Variants in ITGA9 observed in about 807,000 individuals in gnomAD.
The protein encoded by ITGA9 is integrin alpha-9.
Under a neutral mutation model 127.8 loss-of-function variants are expected in ITGA9, and 56 were observed. The ratio of observed to expected loss-of-function variants is 0.44; its 90% CI spans 0.35 to 0.55. The LOEUF (loss-of-function observed/expected upper bound fraction) is 0.55, where lower values mean the gene tolerates loss of function less well. ITGA9 is among the 20% of genes least tolerant of loss of function. ITGA9 has a pLI of 0.00. For missense variants in ITGA9, 1,196 were observed against 1,347.1 expected, an observed-to-expected ratio of 0.89 and a Z score of 1.76; for synonymous variants, 508 against 514.5, an observed-to-expected ratio of 0.99 and a Z score of 0.17.
chr3:37,632,550 G>A (rs1700238502), intron 16 of ITGA9, among the ~76,000 whole-genome samples: 1 of 152,164 alleles, frequency 6.6e-6, no homozygotes, highest in African/African-American at 2.4e-5. Flanking sequence ...TGTAATAATA[G>A]AATAGCATGT....
Position 37,452,390 on chromosome 3 carries a change from GCGC to G in ITGA9, c.19_21del (p.Pro7del). 6 of 1,332,700 alleles carry G rather than the reference GCGC, an allele frequency of 4.5e-6. No individual in the cohort carries two copies. The highest frequency in any genetic ancestry group is 5.8e-6 in the Non-Finnish European group (6 of 1,042,834). The allele number at this position is 1,332,700 out of a possible 1,614,324, so 82.6% of individuals were successfully genotyped here. On this transcript the variant is annotated inframe_deletion, in exon 1 of 28. Transcript: ENST00000264741. The surrounding 1 kb of genome is among the most constrained non-coding windows in gnomAD (Gnocchi z 7.3). ...CCGGCTGGGGATGGGCGGCCCGGCT[GCGC>G]CGAGGGGCGCCGGGAGGCTCCGCGC...
chr3:37,779,759 A>T, intron 24 of ITGA9, 143 bp from the exon 25 acceptor site: 1 of 802,530 alleles, frequency 1.2e-6, no homozygotes, highest in Non-Finnish European at 2.1e-6. Context: ...GTGGCGAGAA[A>T]GAACGATTGC....
intron 26 of ITGA9, among the ~76,000 whole-genome samples, chr3:37,791,885 G>A (rs1216710217): frequency 6.6e-6 from 1 of 152,166 alleles, no homozygotes; most frequent in African/African-American, 2.4e-5. Context: ...GCTTCTAGAG[G>A]CAAAGTTTAC....
intron 18 of ITGA9, among the ~76,000 whole-genome samples, chr3:37,707,319 C>G (rs1701017935): frequency 6.6e-6 from 1 of 152,138 alleles, no homozygotes; most frequent in African/African-American, 2.4e-5. Flanking sequence ...AAGTTCTTTT[C>G]TGTTTAAGTG....
intron 18 of ITGA9, among the ~76,000 whole-genome samples, chr3:37,696,295 T>C (rs772107087): frequency 6.6e-6 from 1 of 152,218 alleles, no homozygotes; most frequent in Non-Finnish European, 1.5e-5. Flanking sequence ...TGTGTATCCC[T>C]GAGATACGTA....
At chr3:37,618,784 G>A (rs149229694) in intron 15 of ITGA9, among the ~76,000 whole-genome samples, 67 of 152,322 alleles carry the variant, frequency 4.4e-4, no homozygotes, top group African/African-American at 1.3e-3. Flanking sequence ...TAATCTCCTC[G>A]TGTGCTGTTT....
chr3:37,580,695 T>C (rs1699701389), intron 15 of ITGA9, among the ~76,000 whole-genome samples: 1 of 152,226 alleles, frequency 6.6e-6, no homozygotes. Context: ...TTTTTTATCC[T>C]GGATGTGCTC....
intron 15 of ITGA9, among the ~76,000 whole-genome samples, chr3:37,625,362 A>G (rs1344481623): frequency 6.6e-6 from 1 of 152,208 alleles, no homozygotes; most frequent in African/African-American, 2.4e-5. Flanking sequence ...GCATAAAGTA[A>G]GCACCCAATA....
At chr3:37,746,250 G>A (rs1345547451) in intron 22 of ITGA9, among the ~76,000 whole-genome samples, 1 of 152,158 alleles carries the variant, frequency 6.6e-6, no homozygotes. Context: ...ATTTTTCTAT[G>A]CTTTTAAAAA....
chr3:37,473,138 A>G (rs1426646205), intron 2 of ITGA9, among the ~76,000 whole-genome samples: 1 of 31,682 alleles, frequency 3.2e-5, no homozygotes, highest in African/African-American at 1.2e-4. Context: ...GACTGTCTCA[A>G]AAAAAAAAAA....
chr3:37,495,531 C>T (rs1233425688), intron 5 of ITGA9, among the ~76,000 whole-genome samples: 1 of 152,186 alleles, frequency 6.6e-6, no homozygotes, highest in Non-Finnish European at 1.5e-5. Context: ...AATTCATCTG[C>T]AGTCCTGTTG....
Position 37,520,857 on chromosome 3 carries a change from G to A in ITGA9, c.1236+1503G>A, listed in dbSNP as rs182583905. On this transcript the variant is annotated intron_variant, in intron 11 of 27. Coordinates refer to ENST00000264741, the MANE Select transcript of ITGA9 (RefSeq NM_002207.3). The stretch of plus-strand genomic sequence containing the variant: ...CAGGGTCATTCTCCACGCATCCTCC[G>A]GGAAGCTTGTTTTCCTGGACCTCGG... Among the ~76,000 whole-genome samples the A allele has an allele frequency of 3.4e-3, 518 of 152,300 alleles. 5 individuals carry two copies. Among genetic ancestry groups the A allele is most frequent in the African/African-American group, 0.012 (495 of 41,574 alleles).
chr3:37,665,095 C>T (rs1700573715), intron 17 of ITGA9, among the ~76,000 whole-genome samples: 2 of 151,750 alleles, frequency 1.3e-5, no homozygotes, highest in South Asian at 2.1e-4. Context: ...GCCTCAGCCT[C>T]CCGAGTAGCT....
At chr3:37,755,835 A>G (rs972352076) in intron 23 of ITGA9, among the ~76,000 whole-genome samples, 9 of 152,310 alleles carry the variant, frequency 5.9e-5, no homozygotes, top group Admixed American at 4.6e-4. Context: ...TTATGTACCA[A>G]TTAGCTCAAG....
At chr3:37,642,508 A>G (rs2125642154) in intron 16 of ITGA9, among the ~76,000 whole-genome samples, 1 of 152,356 alleles carries the variant, frequency 6.6e-6, no homozygotes, top group East Asian at 1.9e-4. Flanking sequence ...GAGCTTCTTC[A>G]CTAGCAGATT....
chr3:37,780,158 G>A (rs890583905), intron 25 of ITGA9, 137 bp downstream of exon 25: 3 of 1,026,030 alleles, frequency 2.9e-6, no homozygotes, highest in Non-Finnish European at 3.0e-6. Flanking sequence ...CCCCCCTTTT[G>A]GCTGTCTACA....
In ITGA9 at chr3:37,779,085, G is replaced by A. The variant is rs1244745091; in HGVS notation, c.2668-817G>A. On this transcript the variant is annotated intron_variant, in intron 24 of 27. Coordinates refer to ENST00000264741, the MANE Select transcript of ITGA9 (RefSeq NM_002207.3). ...GAAAACTTTTGTAACTTAAATTTGG[G>A]ATTTATGTTTTTGGTTTTTTGTTTG... 7.2e-5 allele frequency among the ~76,000 whole-genome samples: 11 copies of A among 152,058 alleles called. No homozygotes were observed. The East Asian group carries it at 1.5e-3, about 21-fold the overall frequency.
chr3:37,473,456 T>G lies in ITGA9; in HGVS notation c.416T>G (p.Val139Gly). The G allele has an allele frequency of 6.2e-7, 1 of 1,612,086 alleles. No homozygotes were observed. The highest frequency in any genetic ancestry group is 8.5e-7 in the Non-Finnish European group (1 of 1,178,314). The change falls in exon 3 of 28, where the codon GTG becomes GGG. Residue 139 changes from valine (V) to glycine (G), a missense_variant. By Grantham distance (109) the Val-to-Gly change is moderately radical. Transcript: ENST00000264741. Reference sequence around the variant, plus strand: ...CGACAGCCCAAGGCTGATGGCCGTGTGTTGGTAAGTCCCTCCTGGGGGTGC... The same window carrying G: ...CGACAGCCCAAGGCTGATGGCCGTGGGTTGGTAAGTCCCTCCTGGGGGTGC... ...LARQPKADGR[V>G]LACAHRWKNI... is the part of the protein sequence containing the mutation.
chr3:37,523,195 A>G (rs1291607569), intron 11 of ITGA9, among the ~76,000 whole-genome samples: 1 of 152,226 alleles, frequency 6.6e-6, no homozygotes, highest in Admixed American at 6.5e-5. Flanking sequence ...CAGAACCTGC[A>G]TTAGGAATGG....
Sources: allele counts gnomAD v4.1 joint callset (sites outside exome capture counted in the v4.1 genomes callset), GRCh38; gene constraint gnomAD v4.1.1; non-coding constraint Gnocchi (gnomAD v3.1); transcripts MANE v1.5; gene names NCBI Gene and HGNC (gene_info 2026-07-23, HGNC 2026-07-21).